Variants in RHOT1 observed in about 807,000 individuals in gnomAD.
RHOT1 encodes ras homolog family member T1, also known as mitochondrial Rho GTPase 1.
RHOT1 carries 27 observed loss-of-function variants against 95.3 expected under a neutral mutation model. The observed-to-expected ratio is 0.28, with a 90% CI of 0.21 to 0.39. The LOEUF is 0.39. Among genes scored for constraint, RHOT1 ranks in the 10% least tolerant of loss-of-function variants. The pLI is 1.00. For synonymous variants in RHOT1, 227 were observed against 263.5 expected, an observed-to-expected ratio of 0.86 and a Z score of 1.34; for missense variants, 578 against 786.7, an observed-to-expected ratio of 0.73 and a Z score of 3.17.
In RHOT1 at chr17:32,207,938, A is replaced by G. The variant is rs148070214; in HGVS notation, c.1537-169A>G. ...TGGAAAAGTGATCTGGATCTTATTTATTATATGAGATTTACCTAGACCACT... is the reference window on the plus strand; with the variant it reads ...TGGAAAAGTGATCTGGATCTTATTTGTTATATGAGATTTACCTAGACCACT... On this transcript the variant is annotated intron_variant, in intron 17 of 19. Coordinates refer to ENST00000545287, the MANE Select transcript of RHOT1 (RefSeq NM_001033566.3). 1.2e-3 allele frequency among the ~76,000 whole-genome samples: 188 copies of G among 152,276 alleles called. 2 individuals carry two copies. In the South Asian group the frequency reaches 0.031, roughly 25 times the overall value.
intron 14 of RHOT1, among the ~76,000 whole-genome samples, chr17:32,202,041 A>G (rs969650180): frequency 1.3e-5 from 2 of 152,150 alleles, no homozygotes; most frequent in African/African-American, 4.8e-5. Context: ...CCTCCCAAGT[A>G]GCTGGGACTA....
At chr17:32,163,896 C>G (rs905110822) in intron 1 of RHOT1, among the ~76,000 whole-genome samples, 11 of 152,048 alleles carry the variant, frequency 7.2e-5, no homozygotes, top group Admixed American at 7.2e-4. Flanking sequence ...GTGGCTCACC[C>G]CTGTAATCCC....
intron 13 of RHOT1, among the ~76,000 whole-genome samples, chr17:32,200,090 G>A (rs1371609160): frequency 6.6e-6 from 1 of 151,216 alleles, no homozygotes; most frequent in Non-Finnish European, 1.5e-5. Context: ...AGCACATTGT[G>A]GACATTTTTC....
At chr17:32,196,161 G>C (rs1042871909) in intron 11 of RHOT1, among the ~76,000 whole-genome samples, 21 of 151,230 alleles carry the variant, frequency 1.4e-4, no homozygotes, top group Non-Finnish European at 1.5e-5. Flanking sequence ...TCAAGACACA[G>C]GATAAAACCC....
intron 1 of RHOT1, among the ~76,000 whole-genome samples, chr17:32,169,149 A>G (rs143686420): frequency 3.3e-5 from 5 of 152,304 alleles, no homozygotes. Flanking sequence ...TGTTCCAGAC[A>G]TTCATTATTT....
chr17:32,218,744 G>C (rs1443792141), intron 19 of RHOT1, among the ~76,000 whole-genome samples: 1 of 152,100 alleles, frequency 6.6e-6, no homozygotes, highest in Non-Finnish European at 1.5e-5. Flanking sequence ...AGCCCAGGAG[G>C]TTGAGGCTGC....
At chr17:32,211,297 G>T in intron 19 of RHOT1, 59 bp downstream of exon 19, 1 of 1,488,408 alleles carries the variant, frequency 6.7e-7, no homozygotes, top group Non-Finnish European at 9.1e-7. Context: ...AGAAAAAAGC[G>T]GATAACTATT....
intron 2 of RHOT1, 50 bp downstream of exon 2, chr17:32,171,151 A>G: frequency 8.0e-7 from 1 of 1,245,546 alleles, no homozygotes; most frequent in Non-Finnish European, 1.1e-6. Context: ...TATCAAAATC[A>G]AATTAAAATG....
At chr17:32,144,284 A>C (rs1381561625) in intron 1 of RHOT1, among the ~76,000 whole-genome samples, 5 of 152,194 alleles carry the variant, frequency 3.3e-5, no homozygotes, top group African/African-American at 1.2e-4. Flanking sequence ...ACTGTGGCTC[A>C]TGCCTGTAAT....
intron 8 of RHOT1, among the ~76,000 whole-genome samples, chr17:32,187,956 A>C (rs1012541407): frequency 6.6e-6 from 1 of 152,256 alleles, no homozygotes; most frequent in Non-Finnish European, 1.5e-5. Flanking sequence ...ATTTCATAAA[A>C]ATAAAGTTTG....
At position 32,200,942 on chromosome 17, in the gene RHOT1, C is replaced by CT; in HGVS notation, c.1101-10dup. 6.3e-7 allele frequency: 1 copy of CT among 1,588,146 alleles called. No homozygotes were observed. Reference sequence around the variant, plus strand: ...TTAGGAACTTTTCACATTTTAAACTCTTTTCTTTCATAGGCTCACGACTTA... The same window carrying CT: ...TTAGGAACTTTTCACATTTTAAACTCTTTTTCTTTCATAGGCTCACGACTTA... On this transcript the variant is annotated splice_polypyrimidine_tract_variant and intron_variant, in intron 13 of 19. Transcript: ENST00000545287.
intron 19 of RHOT1, among the ~76,000 whole-genome samples, chr17:32,218,603 T>A (rs1021215001): frequency 6.6e-6 from 1 of 151,450 alleles, no homozygotes; most frequent in Non-Finnish European, 1.5e-5. Flanking sequence ...AGCCCAGGAG[T>A]TCCAGACCAG....
intron 15 of RHOT1, among the ~76,000 whole-genome samples, chr17:32,203,256 T>TCTC (rs1458880698): frequency 3.1e-5 from 4 of 129,162 alleles, no homozygotes; most frequent in Admixed American, 7.6e-5. Flanking sequence ...ATATTTCTTT[T>TCTC]CTTCTTCTTC....
chr17:32,224,871 A>G lies in RHOT1; in HGVS notation c.*138A>G, dbSNP rs961293065. ...ATATTTGTAATTCATGCATAAGAGTATTTTAATGATAGTTATAACTGCAGT... is the reference window on the plus strand; with the variant it reads ...ATATTTGTAATTCATGCATAAGAGTGTTTTAATGATAGTTATAACTGCAGT... On this transcript the variant is annotated 3_prime_UTR_variant, in exon 20 of 20. Coordinates refer to ENST00000545287, the MANE Select transcript of RHOT1 (RefSeq NM_001033566.3). The G allele has an allele frequency of 3.6e-6, 2 of 554,240 alleles. No homozygotes were observed. The highest frequency in any genetic ancestry group is 2.8e-5 in the Admixed American group (1 of 35,474). The allele number at this position is 554,240 out of a possible 1,614,324, so 34.3% of individuals were successfully genotyped here.
chr17:32,206,733 G>T (rs553325567), intron 16 of RHOT1, among the ~76,000 whole-genome samples, 177 bp from the exon 17 acceptor site: 1 of 152,008 alleles, frequency 6.6e-6, no homozygotes, highest in African/African-American at 2.4e-5. Flanking sequence ...GATTACAAGC[G>T]TGAGCCACCG....
intron 1 of RHOT1, among the ~76,000 whole-genome samples, chr17:32,152,189 A>G (rs1052318254): frequency 6.6e-6 from 1 of 152,206 alleles, no homozygotes; most frequent in African/African-American, 2.4e-5. Context: ...CTACTTGATT[A>G]TTGTTGTCTT....
chr17:32,147,108 A>G (rs2031476000), intron 1 of RHOT1, among the ~76,000 whole-genome samples: 1 of 150,718 alleles, frequency 6.6e-6, no homozygotes, highest in Non-Finnish European at 1.5e-5. Context: ...GCAGTGGCAC[A>G]ATCTCGGCTC....
chr17:32,220,354 A>G (rs957189183), intron 19 of RHOT1, among the ~76,000 whole-genome samples: 7 of 152,232 alleles, frequency 4.6e-5, no homozygotes, highest in Non-Finnish European at 1.0e-4. Context: ...ACAGAGCAAG[A>G]CGCTGTCTCT....
intron 1 of RHOT1, among the ~76,000 whole-genome samples, chr17:32,146,979 A>G (rs2031451827): frequency 6.8e-6 from 1 of 146,258 alleles, no homozygotes; most frequent in Admixed American, 7.0e-5. Flanking sequence ...GCTGACCTCA[A>G]GTGATCCACC....
Sources: gnomAD v4.1 joint callset for allele counts (sites outside exome capture counted in the v4.1 genomes callset) on GRCh38, gnomAD v4.1.1 for gene constraint, MANE v1.5 for transcripts, NCBI Gene and HGNC (gene_info 2026-07-23, HGNC 2026-07-21) for gene names.